The following BRINP3 variants were observed in gnomAD, a reference collection of about 807,000 sequenced individuals.
BRINP3 encodes BMP/retinoic acid-inducible neural-specific protein 3.
Under a neutral mutation model 71.0 loss-of-function variants are expected in BRINP3, and 19 were observed. The ratio of observed to expected loss-of-function variants is 0.27; its 90% confidence interval spans 0.19 to 0.39. BRINP3 has a LOEUF of 0.39. Ranked by LOEUF, BRINP3 falls within the 10% of genes least tolerant of loss-of-function variation. The probability of loss-of-function intolerance (pLI) is 1.00; values close to 1 mark genes in which losing one functional copy is unlikely to be tolerated. For missense variants in BRINP3, 959 were observed against 940.8 expected, an observed-to-expected ratio of 1.02 and a Z score of -0.25; for synonymous variants, 380 against 337.7, an observed-to-expected ratio of 1.13 and a Z score of -1.37.
At chr1:190,379,816 G>A (rs1395839599) in intron 2 of BRINP3, among the ~76,000 whole-genome samples, 3 of 151,772 alleles carry the variant, frequency 2.0e-5, no homozygotes, top group Non-Finnish European at 2.9e-5. Context: ...TGGCCAACAT[G>A]GTGAAACCCC....
rs113815166 is a variant in BRINP3, at chr1:190,192,298, G to A, written c.962-31408C>T. On this transcript the variant is annotated intron_variant, in intron 6 of 7. Coordinates refer to ENST00000367462, the MANE Select transcript of BRINP3 (RefSeq NM_199051.3). ...CTAAGCTTCATGTTTGATTTCAAAT[G>A]ATAATTTTAGATCAAATCAATCTTG... Among the ~76,000 whole-genome samples, 538 of 152,210 alleles carry A rather than the reference G, an allele frequency of 3.5e-3. 4 individuals carry two copies. Among genetic ancestry groups the A allele is most frequent in the African/African-American group, 0.012 (510 of 41,550 alleles).
intron 2 of BRINP3, among the ~76,000 whole-genome samples, chr1:190,326,868 C>A (rs1666611284): frequency 6.6e-6 from 1 of 152,032 alleles, no homozygotes; most frequent in Admixed American, 6.6e-5. Context: ...ACATAGCCCA[C>A]AGACCCTAAA....
At chr1:190,418,224 G>C (rs976380420) in intron 2 of BRINP3, among the ~76,000 whole-genome samples, 1 of 151,854 alleles carries the variant, frequency 6.6e-6, no homozygotes, top group Non-Finnish European at 1.5e-5. Flanking sequence ...GCTAATTTTC[G>C]TATTTTTTGT....
At chr1:190,377,290 C>T (rs1355242057) in intron 2 of BRINP3, among the ~76,000 whole-genome samples, 3 of 151,902 alleles carry the variant, frequency 2.0e-5, no homozygotes, top group Admixed American at 2.0e-4. Flanking sequence ...AACTGGAACA[C>T]CTGCTTTTAA....
In BRINP3 at chr1:190,454,635, G is replaced by T; in HGVS notation, c.236+20C>A. ...CTTCAAGGATGATATTTCTGTAATT[G>T]CTTTCCCTTTGCTTCATACCTGTAT... On this transcript the variant is annotated intron_variant, in intron 2 of 7. Coordinates refer to ENST00000367462, the MANE Select transcript of BRINP3 (RefSeq NM_199051.3). 1.3e-6 allele frequency: 2 copies of T among 1,590,902 alleles called. No homozygotes were observed. Among genetic ancestry groups the T allele is most frequent in the Non-Finnish European group, 1.7e-6 (2 of 1,160,946 alleles).
intron 1 of BRINP3, among the ~76,000 whole-genome samples, chr1:190,463,702 T>C (rs1342889270): frequency 6.6e-6 from 1 of 151,952 alleles, no homozygotes; most frequent in African/African-American, 2.4e-5. Context: ...ATAATTTGTA[T>C]CATTGCTTTT....
chr1:190,172,684 T>C (rs1403829493), intron 6 of BRINP3, among the ~76,000 whole-genome samples: 1 of 152,184 alleles, frequency 6.6e-6, no homozygotes, highest in Non-Finnish European at 1.5e-5. Flanking sequence ...GTTTAGACTT[T>C]ATCAGTGACA....
intron 2 of BRINP3, among the ~76,000 whole-genome samples, chr1:190,347,278 C>G (rs565107359): frequency 6.6e-6 from 1 of 152,014 alleles, no homozygotes; most frequent in Non-Finnish European, 1.5e-5. Context: ...GTAGCTGGGA[C>G]TTCAGGTGCG....
rs183709494 is a variant in BRINP3 at position 190,346,717 on chromosome 1, C to T, written c.237-64967G>A. On this transcript the variant is annotated intron_variant, in intron 2 of 7. Transcript: ENST00000367462. The stretch of plus-strand genomic sequence containing the variant: ...ACAAACTGCCCCTCATTCTTGAGTA[C>T]CCAGTTTAGACTTTATCCTCCCTAA... Among the ~76,000 whole-genome samples the T allele has an allele frequency of 2.1e-3, 322 of 152,150 alleles. 1 individual carries two copies. Among genetic ancestry groups the T allele is most frequent in the African/African-American group, 6.5e-3 (271 of 41,542 alleles).
chr1:190,329,231 T>C (rs568262309), intron 2 of BRINP3, among the ~76,000 whole-genome samples: 9 of 152,166 alleles, frequency 5.9e-5, no homozygotes, highest in Non-Finnish European at 1.0e-4. Context: ...GAAGTCAAAC[T>C]ACCTCTTTTT....
At chr1:190,163,311 A>C (rs1373457738) in intron 6 of BRINP3, among the ~76,000 whole-genome samples, 1 of 152,264 alleles carries the variant, frequency 6.6e-6, no homozygotes, top group Non-Finnish European at 1.5e-5. Flanking sequence ...AATACACAAC[A>C]GCCCTACTTT....
intron 2 of BRINP3, among the ~76,000 whole-genome samples, chr1:190,416,840 T>C (rs936157022): frequency 1.1e-4 from 16 of 152,152 alleles, no homozygotes; most frequent in African/African-American, 3.9e-4. Flanking sequence ...CCGGAGTCTT[T>C]AGCTGCAGTG....
chr1:190,176,903 T>C lies in BRINP3; in HGVS notation c.962-16013A>G, dbSNP rs111854524. On this transcript the variant is annotated intron_variant, in intron 6 of 7. Coordinates refer to ENST00000367462, the MANE Select transcript of BRINP3 (RefSeq NM_199051.3). ...CATGTACCAAAGAGAGCTCATCTGC[T>C]TCTTTTAACACATGGCCAAACACAG... 3.5e-3 allele frequency among the ~76,000 whole-genome samples: 540 copies of C among 152,292 alleles called. 4 individuals carry two copies. The highest frequency in any genetic ancestry group is 0.012 in the African/African-American group (512 of 41,574).
chr1:190,418,396 T>A (rs1395942803), intron 2 of BRINP3, among the ~76,000 whole-genome samples: 1 of 152,150 alleles, frequency 6.6e-6, no homozygotes. Context: ...TCACATTACG[T>A]TTGTGACCCC....
intron 7 of BRINP3, among the ~76,000 whole-genome samples, chr1:190,101,734 A>G (rs1219981312): frequency 1.3e-5 from 2 of 152,170 alleles, no homozygotes; most frequent in Non-Finnish European, 2.9e-5. Flanking sequence ...GAGCCAACTC[A>G]TCTCCCACTG....
rs1658689865 is a variant in BRINP3, at chr1:190,238,002, A to C, written c.619-3525T>G. On this transcript the variant is annotated intron_variant, in intron 4 of 7. Transcript: ENST00000367462. ...TCCTATATTGTAACAAGAAAACCAC[A>C]TCTGAAATATCAGGAGTTGAGGTGG... Among the ~76,000 whole-genome samples the C allele has an allele frequency of 2.0e-5, 3 of 152,016 alleles. No homozygotes were observed. In the South Asian group the frequency reaches 6.2e-4, roughly 31 times the overall value.
chr1:190,350,130 G>T (rs1375197539), intron 2 of BRINP3, among the ~76,000 whole-genome samples: 1 of 152,078 alleles, frequency 6.6e-6, no homozygotes, highest in Admixed American at 6.6e-5. Flanking sequence ...TGGTCAAAAG[G>T]ATTGTGTTCA....
intron 2 of BRINP3, among the ~76,000 whole-genome samples, chr1:190,306,564 G>A (rs996080049): frequency 1.3e-5 from 2 of 151,776 alleles, no homozygotes; most frequent in African/African-American, 2.4e-5. Context: ...TGGAGGTGGG[G>A]GTATAACTTT....
intron 1 of BRINP3, among the ~76,000 whole-genome samples, chr1:190,460,187 T>C (rs1334003758): frequency 6.6e-6 from 1 of 151,514 alleles, no homozygotes; most frequent in Non-Finnish European, 1.5e-5. Flanking sequence ...AAAAGTCACA[T>C]TCTTTCAAAT....
Sources: gnomAD v4.1 joint callset for allele counts (sites outside exome capture counted in the v4.1 genomes callset) on GRCh38, gnomAD v4.1.1 for gene constraint, MANE v1.5 for transcripts, NCBI Gene and HGNC (gene_info 2026-07-23, HGNC 2026-07-21) for gene names.